Variants in NAALADL2 observed in about 807,000 individuals in gnomAD.
NAALADL2 encodes the protein N-acetylated alpha-linked acidic dipeptidase like 2.
NAALADL2 carries 76 observed loss-of-function variants against 87.2 expected under a neutral mutation model. The ratio of observed to expected loss-of-function variants is 0.87; its 90% CI spans 0.72 to 1.05. NAALADL2 has a LOEUF of 1.05. NAALADL2 is among the 50% of genes least tolerant of loss of function. The probability of loss-of-function intolerance (pLI) is 0.00; values close to 1 mark genes in which losing one functional copy is unlikely to be tolerated. For synonymous variants in NAALADL2, 354 were observed against 331.0 expected (o/e 1.07, Z -0.75); for missense variants, 1,089 against 945.8 (o/e 1.15, Z -1.99).
intron 5 of NAALADL2, among the ~76,000 whole-genome samples, chr3:175,439,728 T>C (rs1370456374): frequency 1.4e-5 from 2 of 139,730 alleles, no homozygotes; most frequent in African/African-American, 5.2e-5. Context: ...GTGGTTTTTT[T>C]TTCTTTTTTT....
intron 3 of NAALADL2, among the ~76,000 whole-genome samples, chr3:174,758,962 T>C (rs1251561116): frequency 1.3e-5 from 2 of 152,236 alleles, no homozygotes; most frequent in Admixed American, 1.3e-4. Flanking sequence ...CTATAATTTT[T>C]AACAGGTTTA....
chr3:175,102,136 A>T (rs1722321349), intron 2 of NAALADL2, among the ~76,000 whole-genome samples: 1 of 152,204 alleles, frequency 6.6e-6, no homozygotes, highest in Non-Finnish European at 1.5e-5. Context: ...CTGGTATTCC[A>T]TTATATGGAT....
chr3:174,776,829 C>T (rs938984722), intron 3 of NAALADL2, among the ~76,000 whole-genome samples: 1 of 152,068 alleles, frequency 6.6e-6, no homozygotes, highest in Admixed American at 6.6e-5. Context: ...CCATGCATGA[C>T]AAAGCTGCAT....
chr3:175,606,883 T>G (rs1723819577), intron 10 of NAALADL2, among the ~76,000 whole-genome samples: 1 of 152,194 alleles, frequency 6.6e-6, no homozygotes, highest in Admixed American at 6.5e-5. Context: ...TGTGTGGCTG[T>G]CTGTGGTAAT....
At chr3:174,846,115 T>A (rs942436513) in intron 3 of NAALADL2, among the ~76,000 whole-genome samples, 3 of 152,164 alleles carry the variant, frequency 2.0e-5, no homozygotes, top group African/African-American at 7.2e-5. Flanking sequence ...CACTCACATC[T>A]GTGGCAGTGA....
At chr3:175,234,674 G>A (rs1448468755) in intron 3 of NAALADL2, among the ~76,000 whole-genome samples, 1 of 151,936 alleles carries the variant, frequency 6.6e-6, no homozygotes, top group African/African-American at 2.4e-5. Context: ...CATGTGATAA[G>A]CCAGGTGTGT....
chr3:174,908,195 AG>A (rs989864051), intron 1 of NAALADL2, among the ~76,000 whole-genome samples: 17 of 151,980 alleles, frequency 1.1e-4, no homozygotes, highest in Non-Finnish European at 1.6e-4. Flanking sequence ...AATGCCAGGA[AG>A]TCAGTTATTT....
chr3:174,783,431 T>A (rs1321614243), intron 3 of NAALADL2, among the ~76,000 whole-genome samples: 5 of 152,154 alleles, frequency 3.3e-5, no homozygotes, highest in African/African-American at 1.2e-4. Flanking sequence ...GTATTGCACT[T>A]TGCACAGAAT....
chr3:175,803,304 C>G lies in NAALADL2; in HGVS notation c.*101C>G. ...ATTGAAGGCTTATTTTCCCCAATGG[C>G]TTTTTGACAAGTATAAAGCTATTAT... On this transcript the variant is annotated 3_prime_UTR_variant, in exon 14 of 14. Coordinates refer to ENST00000454872, the MANE Select transcript of NAALADL2 (RefSeq NM_207015.3). 1.4e-6 allele frequency: 1 copy of G among 708,388 alleles called. No homozygotes were observed. The highest frequency in any genetic ancestry group is 2.3e-6 in the Non-Finnish European group (1 of 441,686). The allele number at this position is 708,388 out of a possible 1,614,324, so 43.9% of individuals were successfully genotyped here.
rs1754494304 is a variant in NAALADL2 at position 175,804,063 on chromosome 3, G to GTATC, written c.*862_*865dup. The GTATC allele has an allele frequency of 6.6e-6, 1 of 151,786 alleles. No individual in the cohort carries two copies. Among genetic ancestry groups the GTATC allele is most frequent in the Admixed American group, 6.6e-5 (1 of 15,180 alleles). The allele number at this position is 151,786 out of a possible 1,614,324, so 9.4% of individuals were successfully genotyped here. ...GCATCTCACATTGGTTTTCTTTCTT[G>GTATC]TATCTTTTCTGAAACTCCTTGCTGT... is the stretch of plus-strand genomic sequence containing the variant. On this transcript the variant is annotated 3_prime_UTR_variant, in exon 14 of 14. Coordinates refer to ENST00000454872, the MANE Select transcript of NAALADL2 (RefSeq NM_207015.3).
At chr3:175,143,356 T>A (rs1730292136) in intron 2 of NAALADL2, among the ~76,000 whole-genome samples, 2 of 151,914 alleles carry the variant, frequency 1.3e-5, no homozygotes, top group Non-Finnish European at 2.9e-5. Flanking sequence ...TCCCTTTGAT[T>A]CTGAAAACCA....
intron 2 of NAALADL2, among the ~76,000 whole-genome samples, chr3:174,627,443 G>C (rs1231055627): frequency 6.6e-6 from 1 of 152,180 alleles, no homozygotes; most frequent in Non-Finnish European, 1.5e-5. Context: ...ACTGACACCT[G>C]CAAGGATGCA....
intron 2 of NAALADL2, among the ~76,000 whole-genome samples, chr3:175,176,675 T>C (rs1003174408): frequency 3.3e-5 from 5 of 152,010 alleles, no homozygotes; most frequent in Non-Finnish European, 7.4e-5. Context: ...AATATGATGA[T>C]GGAAGCAGAG....
At chr3:175,691,679 A>G (rs1737066070) in intron 11 of NAALADL2, among the ~76,000 whole-genome samples, 1 of 152,008 alleles carries the variant, frequency 6.6e-6, no homozygotes, top group African/African-American at 2.4e-5. Context: ...CCTATTTCAG[A>G]TTTTGGTGTG....
At chr3:175,458,839 A>G (rs548980271) in intron 6 of NAALADL2, among the ~76,000 whole-genome samples, 2 of 152,188 alleles carry the variant, frequency 1.3e-5, no homozygotes, top group East Asian at 3.9e-4. Flanking sequence ...CCCTACCACA[A>G]TGTGGTTAAC....
At chr3:175,598,367 A>G (rs1315810960) in intron 10 of NAALADL2, among the ~76,000 whole-genome samples, 4 of 149,082 alleles carry the variant, frequency 2.7e-5, no homozygotes, top group Admixed American at 2.6e-4. Flanking sequence ...TTTTTTGTAA[A>G]TGCTATTGAT....
chr3:174,942,461 A>G (rs896908852), intron 1 of NAALADL2, among the ~76,000 whole-genome samples: 13 of 152,018 alleles, frequency 8.6e-5, no homozygotes, highest in Admixed American at 5.2e-4. Flanking sequence ...AGCTGCCTTT[A>G]ACGTTCTTTC....
intron 1 of NAALADL2, among the ~76,000 whole-genome samples, chr3:174,915,446 T>G (rs903817171): frequency 2.0e-5 from 3 of 152,134 alleles, no homozygotes; most frequent in Admixed American, 1.3e-4. Context: ...CCCAACTTTA[T>G]GGTAAGGACA....
intron 2 of NAALADL2, among the ~76,000 whole-genome samples, chr3:174,555,973 CCG>C (rs1712745613): frequency 8.1e-6 from 1 of 123,826 alleles, no homozygotes; most frequent in Non-Finnish European, 1.8e-5. Flanking sequence ...GCCTTATCCT[CCG>C]TGTGTGTGTG....
Sources: allele counts gnomAD v4.1 joint callset (sites outside exome capture counted in the v4.1 genomes callset), GRCh38; gene constraint gnomAD v4.1.1; transcripts MANE v1.5; gene names NCBI Gene and HGNC (gene_info 2026-07-23, HGNC 2026-07-21).